The following PDE10A variants were observed in gnomAD, a reference collection of about 807,000 sequenced individuals.
PDE10A encodes the protein phosphodiesterase 10A.
A neutral mutation model predicts 97.7 loss-of-function variants in PDE10A; 39 were observed. The observed-to-expected ratio is 0.40, with a 90% confidence interval of 0.31 to 0.52. PDE10A has a LOEUF of 0.52. Ranked by LOEUF, PDE10A falls within the 20% of genes least tolerant of loss-of-function variation. PDE10A has a pLI of 0.56. For missense variants in PDE10A, 731 were observed against 1,047.8 expected (o/e 0.70, Z 4.17); for synonymous variants, 371 against 376.8 (o/e 0.98, Z 0.18).
At chr6:165,847,983 T>C (rs892601741) in intron 1 of PDE10A, among the ~76,000 whole-genome samples, 1 of 152,196 alleles carries the variant, frequency 6.6e-6, no homozygotes, top group Admixed American at 6.5e-5. Flanking sequence ...AGAAGGGATG[T>C]ACAGTGCCAG....
chr6:165,749,840 T>C lies in PDE10A; in HGVS notation c.-614-206272A>G, dbSNP rs1792956589. Among the ~76,000 whole-genome samples the C allele has an allele frequency of 2.6e-5, 4 of 152,274 alleles. No individual in the cohort carries two copies. In the South Asian group the frequency reaches 6.2e-4, roughly 24 times the overall value. ...TGCCTCAAGTTTCCACATCAAATTCTGTCTTATTCTTTCCTTAGTATTTAT... is the reference window on the plus strand; with the variant it reads ...TGCCTCAAGTTTCCACATCAAATTCCGTCTTATTCTTTCCTTAGTATTTAT... On this transcript the variant is annotated intron_variant, in intron 1 of 19. Transcript: ENST00000366882.
intron 2 of PDE10A, among the ~76,000 whole-genome samples, chr6:165,520,262 G>A (rs916829449): frequency 1.3e-5 from 2 of 152,084 alleles, no homozygotes; most frequent in Admixed American, 6.6e-5. Flanking sequence ...CTAATAAACA[G>A]CCCAAATGTG....
chr6:165,786,416 C>T (rs1226992155), intron 1 of PDE10A, among the ~76,000 whole-genome samples: 2 of 152,196 alleles, frequency 1.3e-5, no homozygotes, highest in African/African-American at 4.8e-5. Flanking sequence ...CAAAACATCA[C>T]TAACTCATTT....
chr6:165,605,637 C>T (rs1441722131), intron 1 of PDE10A, among the ~76,000 whole-genome samples: 1 of 152,082 alleles, frequency 6.6e-6, no homozygotes, highest in Non-Finnish European at 1.5e-5. Context: ...GGTGAATCTT[C>T]CACTGAAGCA....
At chr6:165,795,853 G>T (rs1384545940) in intron 1 of PDE10A, among the ~76,000 whole-genome samples, 1 of 152,020 alleles carries the variant, frequency 6.6e-6, no homozygotes, top group Non-Finnish European at 1.5e-5. Flanking sequence ...CAGTGACCTT[G>T]GTATACAGAT....
At chr6:165,493,972 A>G (rs1276367668) in intron 2 of PDE10A, among the ~76,000 whole-genome samples, 1 of 145,974 alleles carries the variant, frequency 6.9e-6, no homozygotes, top group African/African-American at 2.6e-5. Context: ...AATAAGCAAG[A>G]AAAAAAAAAA....
chr6:165,748,911 A>G (rs965202767), intron 1 of PDE10A, among the ~76,000 whole-genome samples: 1 of 152,172 alleles, frequency 6.6e-6, no homozygotes, highest in African/African-American at 2.4e-5. Flanking sequence ...TGGAGACCAC[A>G]GGGTTGAATT....
chr6:165,686,824 T>C (rs1346236143), intron 1 of PDE10A, among the ~76,000 whole-genome samples: 2 of 152,164 alleles, frequency 1.3e-5, no homozygotes, highest in East Asian at 1.9e-4. Flanking sequence ...TGCCAGCACC[T>C]CCGCGGCTCA....
chr6:165,892,323 C>T (rs947677257), intron 1 of PDE10A, among the ~76,000 whole-genome samples: 1 of 152,298 alleles, frequency 6.6e-6, no homozygotes, highest in Admixed American at 6.5e-5. Flanking sequence ...AGGCTGGACT[C>T]CCCCCTCTTC....
chr6:165,679,556 G>A (rs1481911947), intron 1 of PDE10A, among the ~76,000 whole-genome samples: 1 of 152,174 alleles, frequency 6.6e-6, no homozygotes, highest in African/African-American at 2.4e-5. Context: ...GGCGTGCCTG[G>A]CCCCACACTG....
chr6:165,428,481 A>G (rs1366378837), intron 10 of PDE10A, among the ~76,000 whole-genome samples, 177 bp downstream of exon 10: 1 of 152,108 alleles, frequency 6.6e-6, no homozygotes, highest in Non-Finnish European at 1.5e-5. Context: ...ATGTTATTCA[A>G]ACTTACTCCC....
intron 1 of PDE10A, among the ~76,000 whole-genome samples, chr6:165,675,681 G>T (rs1289296805): frequency 1.3e-5 from 2 of 152,138 alleles, no homozygotes; most frequent in Non-Finnish European, 2.9e-5. Context: ...TCAATGCCAA[G>T]CCTCATGCCA....
intron 1 of PDE10A, among the ~76,000 whole-genome samples, chr6:165,942,818 C>T (rs1008601398): frequency 6.6e-5 from 10 of 152,138 alleles, no homozygotes; most frequent in African/African-American, 2.4e-4. Flanking sequence ...TTTGCCAATT[C>T]CAGGGTGTAA....
At chr6:165,906,511 C>A (rs1361327406) in intron 1 of PDE10A, among the ~76,000 whole-genome samples, 3 of 152,114 alleles carry the variant, frequency 2.0e-5, no homozygotes, top group Admixed American at 6.5e-5. Context: ...ATGAAATGAA[C>A]TTGGTGGGTC....
chr6:165,557,926 T>C (rs1462968136), intron 1 of PDE10A, among the ~76,000 whole-genome samples: 1 of 152,242 alleles, frequency 6.6e-6, no homozygotes, highest in African/African-American at 2.4e-5. Flanking sequence ...GCTGACGTGA[T>C]TAATTCTAAG....
At chr6:165,893,390 T>C (rs1267316261) in intron 1 of PDE10A, among the ~76,000 whole-genome samples, 1 of 152,258 alleles carries the variant, frequency 6.6e-6, no homozygotes, top group Non-Finnish European at 1.5e-5. Flanking sequence ...TAGGCTGTTT[T>C]CATGCTTCTC....
At chr6:165,485,474 A>AAAAT (rs1779857482) in intron 2 of PDE10A, among the ~76,000 whole-genome samples, 2 of 116,898 alleles carry the variant, frequency 1.7e-5, no homozygotes, top group African/African-American at 7.0e-5. Context: ...TCTCAAAAAA[A>AAAAT]AAAAAAAAAA....
intron 1 of PDE10A, among the ~76,000 whole-genome samples, chr6:165,694,658 A>T (rs1791398091): frequency 6.6e-6 from 1 of 152,260 alleles, no homozygotes; most frequent in Non-Finnish European, 1.5e-5. Flanking sequence ...CAGATATCAC[A>T]TGCCATGCTC....
chr6:165,849,291 C>T (rs546255272), intron 1 of PDE10A, among the ~76,000 whole-genome samples: 97 of 152,248 alleles, frequency 6.4e-4, no homozygotes, highest in Non-Finnish European at 7.5e-4. Context: ...ATTTATGAGG[C>T]CCTAAGTCTA....
Sources: gnomAD v4.1 joint callset for allele counts (sites outside exome capture counted in the v4.1 genomes callset) on GRCh38, gnomAD v4.1.1 for gene constraint, MANE v1.5 for transcripts, NCBI Gene and HGNC (gene_info 2026-07-23, HGNC 2026-07-21) for gene names.